PCED1B: variants seen among roughly 807,000 people sequenced by gnomAD.
The protein encoded by PCED1B is PC-esterase domain containing 1B.
For synonymous variants in PCED1B, 251 were observed against 246.1 expected (o/e 1.02, Z -0.19); for missense variants, 573 against 573.9 (o/e 1.00, Z 0.02).
chr12:47,219,990 T>C (rs1194559409), intron 3 of PCED1B, among the ~76,000 whole-genome samples: 6 of 150,148 alleles, frequency 4.0e-5, no homozygotes, highest in Non-Finnish European at 7.4e-5. Context: ...GGAGGATTGA[T>C]TGAGCCTGGG....
At chr12:47,086,217 G>A (rs1937974858) in intron 1 of PCED1B, among the ~76,000 whole-genome samples, 2 of 152,040 alleles carry the variant, frequency 1.3e-5, no homozygotes, top group Non-Finnish European at 2.9e-5. Flanking sequence ...CCTCCCCGAT[G>A]GCACATTCTT....
At chr12:47,210,850 A>G (rs1324890473) in intron 2 of PCED1B, 1 of 152,202 alleles carries the variant, frequency 6.6e-6, no homozygotes, top group African/African-American at 2.4e-5. Context: ...AAGAAAAAGG[A>G]AGGTCAAAAA....
At chr12:47,120,746 G>A (rs754865113) in intron 2 of PCED1B, among the ~76,000 whole-genome samples, 3 of 152,166 alleles carry the variant, frequency 2.0e-5, no homozygotes, top group Non-Finnish European at 2.9e-5. Flanking sequence ...AGGTTGCAGT[G>A]AGCTGAGATC....
intron 2 of PCED1B, among the ~76,000 whole-genome samples, chr12:47,137,317 A>G (rs1412107066): frequency 6.6e-6 from 1 of 152,228 alleles, no homozygotes. Context: ...TATGTCTTCA[A>G]ATATAGATGT....
At position 47,094,508 on chromosome 12, in the gene PCED1B, TC is replaced by T. The variant is rs546076606; in HGVS notation, c.-608-9604del. Among the ~76,000 whole-genome samples the T allele has an allele frequency of 7.2e-5, 11 of 152,248 alleles. No individual in the cohort carries two copies. In the East Asian group the frequency reaches 1.7e-3, roughly 24 times the overall value. Reference sequence around the variant, plus strand: ...TTGTTGTCATTTTATGTTCTTTTTTTCGCCCTCTCTTTCCTCTATTTTTTTA... The same window carrying T: ...TTGTTGTCATTTTATGTTCTTTTTTTGCCCTCTCTTTCCTCTATTTTTTTA... On this transcript the variant is annotated intron_variant, in intron 1 of 3. Coordinates refer to ENST00000546455, the MANE Select transcript of PCED1B (RefSeq NM_138371.3).
At chr12:47,135,574 C>T (rs1001131279) in intron 2 of PCED1B, 7 of 513,340 alleles carry the variant, frequency 1.4e-5, no homozygotes, top group African/African-American at 9.7e-5. Context: ...GATGTTCAGG[C>T]ACTTGGCAGT....
intron 2 of PCED1B, among the ~76,000 whole-genome samples, chr12:47,144,880 T>G (rs190663636): frequency 1.4e-4 from 22 of 152,284 alleles, no homozygotes. Context: ...TGAAATTAGG[T>G]CAATTAATAA....
chr12:47,175,638 A>G (rs549474150), intron 2 of PCED1B, among the ~76,000 whole-genome samples: 4 of 152,120 alleles, frequency 2.6e-5, no homozygotes, highest in East Asian at 1.9e-4. Context: ...CAATGGTGCA[A>G]TCTCGGCTCA....
At position 47,217,531 on chromosome 12, in the gene PCED1B, G is replaced by GAAA. The variant is rs1344838000; in HGVS notation, c.-58+843_-58+844insAAA. On this transcript the variant is annotated intron_variant, in intron 3 of 3. Transcript: ENST00000546455. ...AAGAAAGAAAGAAGAAAGAGAAAGA[G>GAAA]AGAAAAGAAAAGGAAAGAAAGAAAG... 5.5e-4 allele frequency among the ~76,000 whole-genome samples: 56 copies of GAAA among 100,954 alleles called. 1 individual carries two copies. The highest frequency in any genetic ancestry group is 2.1e-3 in the East Asian group (7 of 3,376). The allele number at this position is 100,954 out of a possible 152,430, so 66.2% of individuals were successfully genotyped here. A position where few individuals can be genotyped will look rare whatever the true frequency, so the allele number is the denominator to read the frequency against.
At chr12:47,212,382 C>A (rs935071977) in intron 2 of PCED1B, among the ~76,000 whole-genome samples, 10 of 152,282 alleles carry the variant, frequency 6.6e-5, no homozygotes, top group Admixed American at 6.5e-4. Context: ...CCAGTTCTTG[C>A]AGGGCATTAA....
rs564749365 is a variant in PCED1B, at chr12:47,212,057, A to G, written c.-525-4165A>G. Among the ~76,000 whole-genome samples the G allele has an allele frequency of 2.8e-3, 407 of 145,702 alleles. 2 individuals are homozygous for G. The highest frequency in any genetic ancestry group is 0.01 in the African/African-American group (389 of 38,716). On this transcript the variant is annotated intron_variant, in intron 2 of 3. Transcript: ENST00000546455. ...GCCACTGTACTCCAGCCTGGGAGAC[A>G]GAGCGAGACTCCGTCTCAAAAAAAA...
rs181254294 is a variant in PCED1B at position 47,091,815 on chromosome 12, T to C, written c.-609+12090T>C. Among the ~76,000 whole-genome samples the C allele has an allele frequency of 2.1e-3, 327 of 152,246 alleles. 6 individuals are homozygous for C. Among genetic ancestry groups the C allele is most frequent in the Admixed American group, 0.02 (303 of 15,296 alleles). The stretch of plus-strand genomic sequence containing the variant: ...AAAGATTATCCTTTTCCCTACTGCA[T>C]TGCAGGATCACCTTTATCATAAATC... On this transcript the variant is annotated intron_variant, in intron 1 of 3. Transcript: ENST00000546455.
At chr12:47,177,581 T>C (rs965596622) in intron 2 of PCED1B, among the ~76,000 whole-genome samples, 1 of 152,132 alleles carries the variant, frequency 6.6e-6, no homozygotes, top group Non-Finnish European at 1.5e-5. Flanking sequence ...GCACCTATGT[T>C]GTACTGATGC....
chr12:47,144,521 C>G (rs1434167546), intron 2 of PCED1B, among the ~76,000 whole-genome samples: 1 of 152,076 alleles, frequency 6.6e-6, no homozygotes, highest in Non-Finnish European at 1.5e-5. Flanking sequence ...TTTTTCCATT[C>G]TGCTTCTCCT....
At chr12:47,152,381 C>A (rs974211507) in intron 2 of PCED1B, among the ~76,000 whole-genome samples, 5 of 152,102 alleles carry the variant, frequency 3.3e-5, no homozygotes, top group Non-Finnish European at 7.4e-5. Context: ...CTGGAGTCTT[C>A]TTGCCAAAAA....
rs73289979 is a variant in PCED1B at position 47,106,825 on chromosome 12, G to T, written c.-526+2630G>T. ...TTGTCAGTCTCTGCCTCTCATCCAGGTGAAATTGCTTTCCTCCACCTCTGG... is the reference window on the plus strand; with the variant it reads ...TTGTCAGTCTCTGCCTCTCATCCAGTTGAAATTGCTTTCCTCCACCTCTGG... On this transcript the variant is annotated intron_variant, in intron 2 of 3. Coordinates refer to ENST00000546455, the MANE Select transcript of PCED1B (RefSeq NM_138371.3). 3.2e-3 allele frequency among the ~76,000 whole-genome samples: 479 copies of T among 151,924 alleles called. 1 individual carries two copies. Among genetic ancestry groups the T allele is most frequent in the African/African-American group, 0.011 (457 of 41,392 alleles).
At chr12:47,100,942 G>A (rs1177762607) in intron 1 of PCED1B, among the ~76,000 whole-genome samples, 1 of 152,082 alleles carries the variant, frequency 6.6e-6, no homozygotes, top group East Asian at 1.9e-4. Context: ...GGTGATGCAT[G>A]CCTTATAGTC....
At chr12:47,208,743 C>G (rs530529762) in intron 2 of PCED1B, 2 of 152,066 alleles carry the variant, frequency 1.3e-5, no homozygotes, top group African/African-American at 2.4e-5. Context: ...TGGGCTCAAG[C>G]GATCCTTCCA....
chr12:47,131,072 G>A (rs1159391221), intron 2 of PCED1B, among the ~76,000 whole-genome samples: 2 of 152,104 alleles, frequency 1.3e-5, no homozygotes, highest in Non-Finnish European at 2.9e-5. Flanking sequence ...AAGATATCTC[G>A]ATCATATTTA....
Sources: gnomAD v4.1 joint callset for allele counts (sites outside exome capture counted in the v4.1 genomes callset) on GRCh38, gnomAD v4.1.1 for gene constraint, MANE v1.5 for transcripts, NCBI Gene and HGNC (gene_info 2026-07-23, HGNC 2026-07-21) for gene names.